The following NCAM2 variants were observed in gnomAD, a reference collection of about 807,000 sequenced individuals.
NCAM2 encodes the protein neural cell adhesion molecule 2.
NCAM2 carries 30 observed loss-of-function variants against 98.1 expected under a neutral mutation model. That is an observed-to-expected ratio of 0.31 (90% CI 0.23 to 0.41). The LOEUF is 0.41. Ranked by LOEUF, NCAM2 falls within the 10% of genes least tolerant of loss-of-function variation. The pLI, the probability that NCAM2 is intolerant of heterozygous loss-of-function variation, is 1.00. For synonymous variants in NCAM2, 368 were observed against 342.4 expected (o/e 1.07, Z -0.83); for missense variants, 867 against 1,005.8 (o/e 0.86, Z 1.87).
intron 1 of NCAM2, among the ~76,000 whole-genome samples, chr21:21,245,108 T>C (rs1003121899): frequency 4.6e-5 from 7 of 152,136 alleles, no homozygotes; most frequent in Non-Finnish European, 8.8e-5. Flanking sequence ...CATTTTTCTA[T>C]GTGGCGGCCG....
chr21:21,012,108 C>A (rs937739838), intron 1 of NCAM2, among the ~76,000 whole-genome samples: 37 of 152,058 alleles, frequency 2.4e-4, no homozygotes, highest in Admixed American at 1.2e-3. Flanking sequence ...ATCATTGGTT[C>A]ATTGCTTTTG....
chr21:21,456,318 C>G (rs2146167123), intron 12 of NCAM2, among the ~76,000 whole-genome samples: 1 of 152,260 alleles, frequency 6.6e-6, no homozygotes, highest in East Asian at 1.9e-4. Context: ...AATAAAATCT[C>G]TAATTAACCA....
At chr21:21,453,023 A>G (rs1283268125) in intron 12 of NCAM2, among the ~76,000 whole-genome samples, 1 of 102,760 alleles carries the variant, frequency 9.7e-6, no homozygotes, top group Non-Finnish European at 1.9e-5. Context: ...AAAAATATAT[A>G]ATATATAAAA....
intron 1 of NCAM2, among the ~76,000 whole-genome samples, chr21:21,171,891 T>C (rs889772525): frequency 6.6e-6 from 1 of 152,166 alleles, no homozygotes; most frequent in Non-Finnish European, 1.5e-5. Flanking sequence ...ATTATGCTTA[T>C]TAGTATAGTG....
At chr21:21,418,391 A>G (rs1467430055) in intron 10 of NCAM2, 82 bp from the exon 11 acceptor site, 1 of 958,472 alleles carries the variant, frequency 1.0e-6, no homozygotes, top group South Asian at 1.4e-5. Flanking sequence ...GAAATGTGTG[A>G]AAGTGGTAGT....
intron 12 of NCAM2, among the ~76,000 whole-genome samples, chr21:21,433,377 T>A (rs559832652): frequency 2.0e-4 from 31 of 152,194 alleles, no homozygotes; most frequent in Admixed American, 7.9e-4. Flanking sequence ...TAGTTTTTTT[T>A]TAAAAAATTA....
rs111406158 is a variant in NCAM2 at position 21,217,251 on chromosome 21, T to C, written c.56-63327T>C. ...TATTGCTCAGTACAAGCAACACTTA[T>C]GGAAAATCAATGCTTAGGTAAATTA... On this transcript the variant is annotated intron_variant, in intron 1 of 17. Transcript: ENST00000400546. Among the ~76,000 whole-genome samples, 496 of 152,274 alleles carry C rather than the reference T, an allele frequency of 3.3e-3. 5 individuals are homozygous for C. Among genetic ancestry groups the C allele is most frequent in the Admixed American group, 4.6e-3 (71 of 15,298 alleles).
chr21:21,097,503 G>A (rs1173768248), intron 1 of NCAM2, among the ~76,000 whole-genome samples: 2 of 151,614 alleles, frequency 1.3e-5, no homozygotes, highest in African/African-American at 4.8e-5. Context: ...TTTTTTAACA[G>A]AGATACATTT....
intron 1 of NCAM2, among the ~76,000 whole-genome samples, chr21:21,062,938 A>G (rs969184838): frequency 1.3e-5 from 2 of 152,188 alleles, no homozygotes; most frequent in East Asian, 1.9e-4. Flanking sequence ...TTACATTCCA[A>G]GTATCTTTGC....
At chr21:21,283,989 G>A (rs897295825) in intron 2 of NCAM2, among the ~76,000 whole-genome samples, 9 of 151,932 alleles carry the variant, frequency 5.9e-5, no homozygotes, top group African/African-American at 1.7e-4. Flanking sequence ...TTACTCAAGC[G>A]TGAATCTTCC....
In NCAM2 at chr21:21,541,376, CTAAATA is replaced by C. The variant is rs1427984156; in HGVS notation, c.*3423_*3428del. On this transcript the variant is annotated 3_prime_UTR_variant, in exon 18 of 18. Coordinates refer to ENST00000400546, the MANE Select transcript of NCAM2 (RefSeq NM_004540.5). ...AACTATTTTACCTTGAATATAAAAT[CTAAATA>C]TAATAAACTATACTGTATAATTTAC... The C allele has an allele frequency of 1.3e-5, 2 of 151,040 alleles. No homozygotes were observed. Among genetic ancestry groups the C allele is most frequent in the Non-Finnish European group, 3.0e-5 (2 of 67,548 alleles). 9.4% of individuals were successfully genotyped at this position (151,040 alleles called of 1,614,324 possible). A position where few individuals can be genotyped will look rare whatever the true frequency, so the allele number is the denominator to read the frequency against.
intron 5 of NCAM2, among the ~76,000 whole-genome samples, chr21:21,315,268 T>G (rs2074186752): frequency 6.6e-6 from 1 of 152,162 alleles, no homozygotes; most frequent in Non-Finnish European, 1.5e-5. Context: ...TTAGCAATGT[T>G]TAGAATCCGA....
At chr21:21,032,733 T>C (rs2064711684) in intron 1 of NCAM2, among the ~76,000 whole-genome samples, 1 of 152,146 alleles carries the variant, frequency 6.6e-6, no homozygotes, top group African/African-American at 2.4e-5. Flanking sequence ...AACAATAGAA[T>C]AGTCAGAAAC....
intron 1 of NCAM2, among the ~76,000 whole-genome samples, chr21:21,036,024 A>G (rs1452766752): frequency 2.6e-5 from 4 of 152,214 alleles, no homozygotes; most frequent in Middle Eastern, 3.2e-3. Flanking sequence ...ATAATTTAAC[A>G]TATGAAATAA....
chr21:21,239,403 A>C (rs756024944), intron 1 of NCAM2: 1 of 152,158 alleles, frequency 6.6e-6, no homozygotes, highest in East Asian at 1.9e-4. Flanking sequence ...CCCATCATCT[A>C]TATATAGGGT....
chr21:21,380,197 C>T (rs2076123448), intron 9 of NCAM2, among the ~76,000 whole-genome samples: 1 of 152,154 alleles, frequency 6.6e-6, no homozygotes, highest in Non-Finnish European at 1.5e-5. Flanking sequence ...AGTTGACCTT[C>T]AGTATTAACC....
At chr21:21,208,041 C>G (rs556620941) in intron 1 of NCAM2, among the ~76,000 whole-genome samples, 11 of 152,180 alleles carry the variant, frequency 7.2e-5, no homozygotes, top group African/African-American at 2.4e-4. Context: ...TATTAAATAG[C>G]TGTTTAATAC....
intron 1 of NCAM2, among the ~76,000 whole-genome samples, chr21:21,099,901 C>T (rs2066205478): frequency 6.7e-6 from 1 of 150,102 alleles, no homozygotes; most frequent in Non-Finnish European, 1.5e-5. Context: ...GGTTTATTGC[C>T]ATTTTTTACT....
chr21:21,158,770 A>T (rs1488059401), intron 1 of NCAM2, among the ~76,000 whole-genome samples: 1 of 152,158 alleles, frequency 6.6e-6, no homozygotes, highest in Non-Finnish European at 1.5e-5. Flanking sequence ...AATATAGCAC[A>T]TATGTTTATA....
Sources: gnomAD v4.1 joint callset for allele counts (sites outside exome capture counted in the v4.1 genomes callset) on GRCh38, gnomAD v4.1.1 for gene constraint, MANE v1.5 for transcripts, NCBI Gene and HGNC (gene_info 2026-07-23, HGNC 2026-07-21) for gene names.